The following DDR2 variants were observed in gnomAD, a reference collection of about 807,000 sequenced individuals.
The protein encoded by DDR2 is discoidin domain-containing receptor 2.
A neutral mutation model predicts 94.9 loss-of-function variants in DDR2; 27 were observed. That is an observed-to-expected ratio of 0.28 (90% confidence interval 0.21 to 0.39). The LOEUF is 0.39. DDR2 is among the 10% of genes least tolerant of loss of function. The probability of loss-of-function intolerance (pLI) is 1.00; values close to 1 mark genes in which losing one functional copy is unlikely to be tolerated. For synonymous variants in DDR2, 382 were observed against 377.2 expected (o/e 1.01, Z -0.15); for missense variants, 783 against 1,076.0 (o/e 0.73, Z 3.81).
In DDR2 at chr1:162,781,842, TCA is replaced by T. The variant is rs1647922337; in HGVS notation, c.*1597_*1598del. ...AGGAGAAACAAGAAAACATTACAAA[TCA>T]GTTTCCCAAGCTGAGAAGGATTAGC... On this transcript the variant is annotated 3_prime_UTR_variant, in exon 18 of 18. Transcript: ENST00000367921. 6.6e-6 allele frequency: 1 copy of T among 152,160 alleles called. No individual in the cohort carries two copies. Among genetic ancestry groups the T allele is most frequent in the Non-Finnish European group, 1.5e-5 (1 of 68,028 alleles). 9.4% of individuals were successfully genotyped at this position (152,160 alleles called of 1,614,324 possible).
intron 2 of DDR2, among the ~76,000 whole-genome samples, chr1:162,701,770 C>T (rs1660441924): frequency 6.6e-6 from 1 of 152,188 alleles, no homozygotes; most frequent in Non-Finnish European, 1.5e-5. Context: ...GGTGTTCCCT[C>T]TTATTTTTGA....
intron 6 of DDR2, 50 bp from the exon 7 acceptor site, chr1:162,755,614 G>A (rs751226708): frequency 6.6e-7 from 1 of 1,524,546 alleles, no homozygotes; most frequent in South Asian, 1.1e-5. Context: ...AGTTCCCTGA[G>A]GTAATGGGCC....
In DDR2 at chr1:162,780,407, T is replaced by C; in HGVS notation, c.*161T>C. On this transcript the variant is annotated 3_prime_UTR_variant, in exon 18 of 18. Coordinates refer to ENST00000367921, the MANE Select transcript of DDR2 (RefSeq NM_006182.4). ...CCTGGTCACCCCCACTCCCTACCCC[T>C]GACTCATATACACTTTTTTTTTTTT... 2.2e-6 allele frequency: 2 copies of C among 893,746 alleles called. No individual in the cohort carries two copies. Among genetic ancestry groups the C allele is most frequent in the Non-Finnish European group, 3.3e-6 (2 of 607,844 alleles). The allele number at this position is 893,746 out of a possible 1,614,324, so 55.4% of individuals were successfully genotyped here. A position where few individuals can be genotyped will look rare whatever the true frequency, so the allele number is the denominator to read the frequency against.
chr1:162,751,545 G>A (rs1190355146), intron 3 of DDR2, among the ~76,000 whole-genome samples: 6 of 152,190 alleles, frequency 3.9e-5, no homozygotes, highest in African/African-American at 1.4e-4. Context: ...TTACGCTGTT[G>A]GTGGGAGTGT....
intron 2 of DDR2, among the ~76,000 whole-genome samples, chr1:162,667,074 T>G (rs1364472560): frequency 1.3e-5 from 2 of 152,020 alleles, no homozygotes; most frequent in Non-Finnish European, 2.9e-5. Flanking sequence ...ATCATCTATC[T>G]ATCTCCAAGT....
At chr1:162,750,347 A>G (rs1663122817) in intron 3 of DDR2, among the ~76,000 whole-genome samples, 3 of 152,314 alleles carry the variant, frequency 2.0e-5, no homozygotes, top group African/African-American at 7.2e-5. Context: ...CTATACACCA[A>G]TAAGAGACAA....
At chr1:162,755,367 G>A in intron 6 of DDR2, 64 bp downstream of exon 6, 2 of 1,595,114 alleles carry the variant, frequency 1.3e-6, no homozygotes, top group Non-Finnish European at 1.7e-6. Context: ...GGAAATGAAG[G>A]CAATCAAATC....
intron 1 of DDR2, among the ~76,000 whole-genome samples, chr1:162,649,863 G>A (rs1657600577): frequency 6.6e-6 from 1 of 152,222 alleles, no homozygotes; most frequent in South Asian, 2.1e-4. Flanking sequence ...TCTAGTCTCA[G>A]TTCTGCTACT....
intron 14 of DDR2, among the ~76,000 whole-genome samples, chr1:162,774,006 C>A (rs1442287554): frequency 6.6e-6 from 1 of 152,056 alleles, no homozygotes; most frequent in Non-Finnish European, 1.5e-5. Context: ...CCTTTTTTCA[C>A]ATTTCTATTT....
chr1:162,707,226 G>A (rs1400924281), intron 2 of DDR2, among the ~76,000 whole-genome samples: 1 of 152,134 alleles, frequency 6.6e-6, no homozygotes, highest in Non-Finnish European at 1.5e-5. Context: ...ATTAAGTTTA[G>A]AGCCACTGCT....
chr1:162,709,355 G>A (rs4542196), intron 2 of DDR2, among the ~76,000 whole-genome samples: 89,423 of 152,140 alleles, frequency 0.59, 30,053 homozygotes, highest in Non-Finnish European at 0.75. Context: ...AAAACAGGAA[G>A]TTGGGCTAAT....
intron 2 of DDR2, among the ~76,000 whole-genome samples, chr1:162,660,739 A>T (rs1426768536): frequency 1.3e-5 from 2 of 152,234 alleles, no homozygotes; most frequent in Non-Finnish European, 2.9e-5. Flanking sequence ...GGTTTATGAC[A>T]GGAGTTGGAA....
chr1:162,739,905 T>C (rs1162271328), intron 3 of DDR2, among the ~76,000 whole-genome samples: 1 of 151,872 alleles, frequency 6.6e-6, no homozygotes, highest in Non-Finnish European at 1.5e-5. Flanking sequence ...ATACAGGGTA[T>C]TGAAGGAGTC....
At chr1:162,659,258 G>A (rs1658172300) in intron 2 of DDR2, among the ~76,000 whole-genome samples, 2 of 152,198 alleles carry the variant, frequency 1.3e-5, no homozygotes, top group African/African-American at 4.8e-5. Flanking sequence ...ATGGTTGAAG[G>A]AAGGAAAGGA....
intron 2 of DDR2, among the ~76,000 whole-genome samples, chr1:162,700,795 A>G (rs1317030087): frequency 6.6e-6 from 1 of 152,200 alleles, no homozygotes; most frequent in Non-Finnish European, 1.5e-5. Flanking sequence ...AAAGTCATTA[A>G]TTACTTACAG....
chr1:162,688,115 C>G (rs1355188653), intron 2 of DDR2, among the ~76,000 whole-genome samples: 1 of 152,186 alleles, frequency 6.6e-6, no homozygotes, highest in Non-Finnish European at 1.5e-5. Context: ...TGGACATGTT[C>G]TAAGTGGCTT....
intron 2 of DDR2, among the ~76,000 whole-genome samples, chr1:162,712,905 G>C (rs1660984353): frequency 6.6e-6 from 1 of 152,100 alleles, no homozygotes. Flanking sequence ...CAAGATCCTT[G>C]ACCTTCAATG....
In DDR2 at chr1:162,770,518, G is replaced by A. The variant is rs2102181742; in HGVS notation, c.1504+6G>A. On this transcript the variant is annotated splice_donor_region_variant and intron_variant, in intron 12 of 17. Coordinates refer to ENST00000367921, the MANE Select transcript of DDR2 (RefSeq NM_006182.4). ...TCCAGGGGAGGAGGAGTCAGGTGAG[G>A]ATGATGTGGTGGGCAGGGTGTCAAG... 4 of 1,614,020 alleles carry A rather than the reference G, an allele frequency of 2.5e-6. No individual in the cohort carries two copies. The highest frequency in any genetic ancestry group is 1.7e-4 in the Middle Eastern group (1 of 6,060).
At chr1:162,695,378 G>A (rs1326344087) in intron 2 of DDR2, among the ~76,000 whole-genome samples, 1 of 152,118 alleles carries the variant, frequency 6.6e-6, no homozygotes, top group Non-Finnish European at 1.5e-5. Flanking sequence ...ATTACAGGCA[G>A]TAGCCACCAC....
Sources: allele counts gnomAD v4.1 joint callset (sites outside exome capture counted in the v4.1 genomes callset), GRCh38; gene constraint gnomAD v4.1.1; transcripts MANE v1.5; gene names NCBI Gene and HGNC (gene_info 2026-07-23, HGNC 2026-07-21).